The following ADGRB1 variants were observed in gnomAD, a reference collection of about 807,000 sequenced individuals.
The protein encoded by ADGRB1 is brain-specific angiogenesis inhibitor 1.
A neutral mutation model predicts 175.7 loss-of-function variants in ADGRB1; 36 were observed. That is an observed-to-expected ratio of 0.20 (90% CI 0.16 to 0.27). The LOEUF (loss-of-function observed/expected upper bound fraction) is 0.27, where lower values mean the gene tolerates loss of function less well. ADGRB1 is among the 10% of genes least tolerant of loss of function. ADGRB1 has a pLI of 1.00. For synonymous variants in ADGRB1, 1,054 were observed against 979.4 expected (o/e 1.08, Z -1.42); for missense variants, 1,731 against 2,255.3 (o/e 0.77, Z 4.71).
At chr8:142,479,919 T>C in intron 9 of ADGRB1, 125 bp downstream of exon 9, 1 of 1,063,338 alleles carries the variant, frequency 9.4e-7, no homozygotes, top group Non-Finnish European at 1.3e-6. Context: ...CTGCGTGTGC[T>C]GGCGCGGGGT....
intron 17 of ADGRB1, among the ~76,000 whole-genome samples, chr8:142,506,716 C>T (rs1842869816): frequency 6.6e-6 from 1 of 152,142 alleles, no homozygotes; most frequent in Non-Finnish European, 1.5e-5. Context: ...CAAGAGGATG[C>T]GTCCCAGAGA....
intron 27 of ADGRB1, among the ~76,000 whole-genome samples, chr8:142,541,387 G>T (rs1344875874): frequency 6.6e-6 from 1 of 152,102 alleles, no homozygotes; most frequent in Non-Finnish European, 1.5e-5. Context: ...GGGACCAGGC[G>T]GCCCTCAGGG....
chr8:142,515,146 T>A (rs80062762), intron 18 of ADGRB1, among the ~76,000 whole-genome samples: 10,665 of 151,824 alleles, frequency 0.07, 1,216 homozygotes, highest in African/African-American at 0.24. Context: ...CGAGAATTGG[T>A]GACTTCTGTG....
At chr8:142,531,055 G>C (rs565788902) in intron 24 of ADGRB1, among the ~76,000 whole-genome samples, 1 of 152,230 alleles carries the variant, frequency 6.6e-6, no homozygotes, top group Non-Finnish European at 1.5e-5. Flanking sequence ...CTGCACCACT[G>C]TATCCCCTGA....
chr8:142,471,327 G>A (rs941867100), intron 2 of ADGRB1, among the ~76,000 whole-genome samples: 3 of 152,254 alleles, frequency 2.0e-5, no homozygotes, highest in Admixed American at 2.0e-4. Context: ...GAGAGGCTGA[G>A]AATCAGGGCA....
chr8:142,468,878 T>C (rs2131710375), intron 2 of ADGRB1, among the ~76,000 whole-genome samples: 1 of 152,356 alleles, frequency 6.6e-6, no homozygotes, highest in South Asian at 2.1e-4. Flanking sequence ...CACTTCTGAT[T>C]GTCCAGGCCA....
chr8:142,462,110 A>C (rs1309572862), intron 1 of ADGRB1, among the ~76,000 whole-genome samples: 1 of 152,132 alleles, frequency 6.6e-6, no homozygotes, highest in Non-Finnish European at 1.5e-5. Flanking sequence ...TCCAGGAGGC[A>C]GGGGACATGG....
rs759210144 is a variant in ADGRB1 at position 142,484,750 on chromosome 8, T to C, written c.2294T>C (p.Val765Ala). The change falls in exon 13 of 31, where the codon GTG becomes GCG. Residue 765 changes from valine (V) to alanine (A), a missense_variant. Physicochemically the swap from Val to Ala is moderately conservative, Grantham distance 64. This residue lies in a region of ADGRB1 where 388 missense variants were observed against 630.9 expected (regional missense o/e 0.61). Coordinates refer to ENST00000517894, the MANE Select transcript of ADGRB1 (RefSeq NM_001702.3). The stretch of plus-strand genomic sequence containing the variant: ...AAGGACCTGAGGGATGCATACCAGG[T>C]GACAGACAACCTGGGTAAGCCTGCC... Reference protein sequence around the residue: ...RMKDLRDAYQVTDNLVLSIHK... With the variant: ...RMKDLRDAYQATDNLVLSIHK... 1 of 1,607,960 alleles carries C rather than the reference T, an allele frequency of 6.2e-7. No homozygotes were observed. The highest frequency in any genetic ancestry group is 1.1e-5 in the South Asian group (1 of 89,766).
chr8:142,527,140 A>T (rs1844251317), intron 24 of ADGRB1, among the ~76,000 whole-genome samples: 1 of 152,186 alleles, frequency 6.6e-6, no homozygotes, highest in Non-Finnish European at 1.5e-5. Flanking sequence ...CTCTCAGCAC[A>T]GCAGCTGGAC....
At chr8:142,531,321 C>T (rs967303549) in intron 24 of ADGRB1, among the ~76,000 whole-genome samples, 7 of 152,246 alleles carry the variant, frequency 4.6e-5, no homozygotes, top group Non-Finnish European at 8.8e-5. Context: ...CTCCTCATCA[C>T]AGGCCCTGTG....
chr8:142,544,262 C>G lies in ADGRB1; in HGVS notation c.4600C>G (p.Leu1534Val). 1 of 1,549,300 alleles carries G rather than the reference C, an allele frequency of 6.5e-7. No individual in the cohort carries two copies. Among genetic ancestry groups the G allele is most frequent in the Non-Finnish European group, 8.7e-7 (1 of 1,146,652 alleles). Residue 1534 changes from leucine to valine, a missense_variant, in exon 31 of 31, where the codon CTC (leucine) becomes GTC (valine). Leu to Val is a conservative substitution (Grantham distance 32). Around this residue, in one of 8 missense-constraint regions of ADGRB1, gnomAD observed 394 missense variants for 410.2 expected, o/e 0.96. Transcript: ENST00000517894. Reference protein sequence around the residue: ...QTPNKRPWESLRKAHGTPTWV... With the variant: ...QTPNKRPWESVRKAHGTPTWV... ...GCCCAACAAGAGGCCCTGGGAGAGCCTCCGGAAAGCCCACGGGACGCCCAC... is the reference window on the plus strand; with the variant it reads ...GCCCAACAAGAGGCCCTGGGAGAGCGTCCGGAAAGCCCACGGGACGCCCAC...
At position 142,464,604 on chromosome 8, in the gene ADGRB1, C is replaced by A; in HGVS notation, c.406C>A (p.Leu136Met). 1 of 1,526,184 alleles carries A rather than the reference C, an allele frequency of 6.6e-7. No homozygotes were observed. Among genetic ancestry groups the A allele is most frequent in the African/African-American group, 1.4e-5 (1 of 71,254 alleles). The allele number at this position is 1,526,184 out of a possible 1,614,324, so 94.5% of individuals were successfully genotyped here. A position where few individuals can be genotyped will look rare whatever the true frequency, so the allele number is the denominator to read the frequency against. Residue 136 changes from leucine to methionine, a missense_variant, in exon 2 of 31, where the codon CTG becomes ATG. Leu to Met is a conservative substitution (Grantham distance 15). Coordinates refer to ENST00000517894, the MANE Select transcript of ADGRB1 (RefSeq NM_001702.3). ...CGACCCCTCCGCACCCCTGGCCTTCCTGCAGGCCAGCAAGCAGTTCCTGCA... is the reference window on the plus strand; with the variant it reads ...CGACCCCTCCGCACCCCTGGCCTTCATGCAGGCCAGCAAGCAGTTCCTGCA... The part of the protein sequence containing the change: ...LCDPSAPLAF[L>M]QASKQFLQMR...
In ADGRB1 at chr8:142,481,323, G is replaced by A. The variant is rs773204550; in HGVS notation, c.1898G>A (p.Arg633His). The change falls in exon 10 of 31, where the codon CGC (arginine) becomes CAC (histidine). Residue 633 changes from arginine (R) to histidine (H), a missense_variant. Around this residue, in one of 8 missense-constraint regions of ADGRB1, gnomAD observed 388 missense variants for 630.9 expected, o/e 0.61. Transcript: ENST00000517894. ...TACTGGGAGCCCCCCACCTACATCCGCTGTGTTTCCATTGACTACAGAAAC... is the reference window on the plus strand; with the variant it reads ...TACTGGGAGCCCCCCACCTACATCCACTGTGTTTCCATTGACTACAGAAAC... ...IAYWEPPTYI[R>H]CVSIDYRNIQ... 7 of 1,613,746 alleles carry A rather than the reference G, an allele frequency of 4.3e-6. No individual in the cohort carries two copies. Among genetic ancestry groups the A allele is most frequent in the African/African-American group, 2.7e-5 (2 of 74,934 alleles).
intron 1 of ADGRB1, among the ~76,000 whole-genome samples, chr8:142,463,620 G>A (rs746158872): frequency 6.6e-6 from 1 of 152,386 alleles, no homozygotes; most frequent in Middle Eastern, 3.4e-3. Context: ...CGTGGTGAGC[G>A]AGTGGGCAGG....
chr8:142,502,586 T>TAGGATGGTGG (rs568808000), intron 17 of ADGRB1, among the ~76,000 whole-genome samples: 3 of 10,180 alleles, frequency 2.9e-4, no homozygotes, highest in African/African-American at 3.6e-4. Flanking sequence ...GGTTCAGTCA[T>TAGGATGGTGG]CACTGTGGTT....
chr8:142,471,716 G>C (rs1225402066), intron 2 of ADGRB1, among the ~76,000 whole-genome samples: 1 of 152,246 alleles, frequency 6.6e-6, no homozygotes, highest in African/African-American at 2.4e-5. Flanking sequence ...CCGGATGGTG[G>C]ACTTGGCTTC....
chr8:142,493,800 G>A lies in ADGRB1; in HGVS notation c.2675+2985G>A, dbSNP rs1228764592. Among the ~76,000 whole-genome samples the A allele has an allele frequency of 6.6e-6, 1 of 152,216 alleles. No individual in the cohort carries two copies. Among genetic ancestry groups the A allele is most frequent in the African/African-American group, 2.4e-5 (1 of 41,456 alleles). Reference sequence around the variant, plus strand: ...CGGCTGGCAGGGAAGGACTGGGACTGACCTCGGTCCCCTTCCTTCTGCCCC... The same window carrying A: ...CGGCTGGCAGGGAAGGACTGGGACTAACCTCGGTCCCCTTCCTTCTGCCCC... On this transcript the variant is annotated intron_variant, in intron 17 of 30. Coordinates refer to ENST00000517894, the MANE Select transcript of ADGRB1 (RefSeq NM_001702.3). The surrounding 1 kb of genome is among the most constrained non-coding windows in gnomAD (Gnocchi z 5.0).
At chr8:142,502,125 G>A (rs1241988870) in intron 17 of ADGRB1, among the ~76,000 whole-genome samples, 22 of 27,334 alleles carry the variant, frequency 8.0e-4, no homozygotes, top group Non-Finnish European at 1.5e-3. Context: ...TGAGGTGGTG[G>A]GGGTGATTAT....
At chr8:142,541,040 C>G (rs979039044) in intron 27 of ADGRB1, among the ~76,000 whole-genome samples, 2 of 152,022 alleles carry the variant, frequency 1.3e-5, no homozygotes, top group African/African-American at 4.8e-5. Flanking sequence ...AACACAGGCA[C>G]CCAGGGCTGG....
Sources: allele counts gnomAD v4.1 joint callset (sites outside exome capture counted in the v4.1 genomes callset), GRCh38; gene constraint gnomAD v4.1.1; regional missense constraint gnomAD v4.1.1; non-coding constraint Gnocchi (gnomAD v3.1); transcripts MANE v1.5; gene names NCBI Gene and HGNC (gene_info 2026-07-23, HGNC 2026-07-21).